The following PCDH9 variants were observed in gnomAD, a reference collection of about 807,000 sequenced individuals.
PCDH9 encodes the protein protocadherin-9.
A neutral mutation model predicts 70.6 loss-of-function variants in PCDH9; 24 were observed. That is an observed-to-expected ratio of 0.34 (90% CI 0.25 to 0.48). The LOEUF (loss-of-function observed/expected upper bound fraction) is 0.48, where lower values mean the gene tolerates loss of function less well. Ranked by LOEUF, PCDH9 falls within the 20% of genes least tolerant of loss-of-function variation. The pLI, the probability that PCDH9 is intolerant of heterozygous loss-of-function variation, is 0.99. For synonymous variants in PCDH9, 562 were observed against 558.5 expected, an observed-to-expected ratio of 1.01 and a Z score of -0.09; for missense variants, 1,281 against 1,503.6, an observed-to-expected ratio of 0.85 and a Z score of 2.45.
intron 4 of PCDH9, among the ~76,000 whole-genome samples, chr13:66,483,726 G>T (rs1279075269): frequency 6.6e-6 from 1 of 152,042 alleles, no homozygotes; most frequent in Non-Finnish European, 1.5e-5. Flanking sequence ...GGTAGAGGAG[G>T]GCATGATCCC....
At chr13:67,141,884 C>T (rs1183910363) in intron 2 of PCDH9, among the ~76,000 whole-genome samples, 1 of 152,070 alleles carries the variant, frequency 6.6e-6, no homozygotes, top group African/African-American at 2.4e-5. Context: ...CATGATATGG[C>T]ATCCATTCTG....
At chr13:66,516,847 C>A (rs1433764274) in intron 4 of PCDH9, among the ~76,000 whole-genome samples, 5 of 152,074 alleles carry the variant, frequency 3.3e-5, no homozygotes, top group African/African-American at 1.2e-4. Context: ...GAACCTATCT[C>A]AATTAAGAAT....
At chr13:66,843,357 C>CAT (rs1370431934) in intron 3 of PCDH9, among the ~76,000 whole-genome samples, 1 of 1,462 alleles carries the variant, frequency 6.8e-4, no homozygotes, top group African/African-American at 7.2e-4. Flanking sequence ...CACATACATA[C>CAT]ACACACACAC....
chr13:66,335,070 T>C (rs951937209), intron 4 of PCDH9, among the ~76,000 whole-genome samples: 1 of 152,094 alleles, frequency 6.6e-6, no homozygotes, highest in Non-Finnish European at 1.5e-5. Flanking sequence ...CTAAATAGCC[T>C]TCAAACCCTT....
intron 3 of PCDH9, among the ~76,000 whole-genome samples, chr13:66,703,844 T>C (rs910361944): frequency 4.6e-5 from 7 of 152,186 alleles, no homozygotes; most frequent in African/African-American, 1.7e-4. Flanking sequence ...GAAGCTGCAG[T>C]GAGCCATGAC....
intron 3 of PCDH9, among the ~76,000 whole-genome samples, chr13:66,769,079 T>C (rs1271803800): frequency 6.6e-6 from 1 of 152,102 alleles, no homozygotes; most frequent in Non-Finnish European, 1.5e-5. Flanking sequence ...GACTGATTTA[T>C]ATCTCTACTC....
intron 4 of PCDH9, among the ~76,000 whole-genome samples, chr13:66,372,554 G>A (rs1195046571): frequency 1.3e-5 from 2 of 151,260 alleles, no homozygotes; most frequent in Non-Finnish European, 3.0e-5. Context: ...AGTCTTGATC[G>A]CATAGTAGCC....
intron 4 of PCDH9, among the ~76,000 whole-genome samples, chr13:66,380,536 CTTTTT>C (rs59830525): frequency 4.7e-4 from 25 of 53,394 alleles, no homozygotes; most frequent in African/African-American, 1.3e-3. Flanking sequence ...AGATCTTGTC[CTTTTT>C]TTTTTTTTTT....
At chr13:66,854,759 A>G (rs539819992) in intron 3 of PCDH9, among the ~76,000 whole-genome samples, 4 of 152,272 alleles carry the variant, frequency 2.6e-5, no homozygotes, top group East Asian at 3.9e-4. Flanking sequence ...AATGTGTTAG[A>G]TAAGCTTTAT....
intron 4 of PCDH9, among the ~76,000 whole-genome samples, chr13:66,452,766 A>C (rs1958239379): frequency 6.6e-6 from 1 of 152,128 alleles, no homozygotes; most frequent in African/African-American, 2.4e-5. Flanking sequence ...GGCCCCTGAG[A>C]AGCTCTATAC....
intron 2 of PCDH9, chr13:67,217,062 T>G (rs2089624622): frequency 6.6e-6 from 1 of 152,052 alleles, no homozygotes; most frequent in South Asian, 2.1e-4. Flanking sequence ...TATTTGAAAG[T>G]CCTCAGCATG....
At chr13:67,045,515 C>T (rs1477835178) in intron 2 of PCDH9, among the ~76,000 whole-genome samples, 2 of 151,626 alleles carry the variant, frequency 1.3e-5, no homozygotes, top group Non-Finnish European at 2.9e-5. Context: ...TGGTTTCTAG[C>T]TTGATAATGC....
intron 2 of PCDH9, among the ~76,000 whole-genome samples, chr13:67,022,164 C>G (rs1480987610): frequency 2.9e-4 from 32 of 109,136 alleles, no homozygotes; most frequent in African/African-American, 1.2e-3. Context: ...GAGTTTTGCT[C>G]TTGTTGCCCA....
intron 4 of PCDH9, among the ~76,000 whole-genome samples, chr13:66,336,905 T>C (rs1353701812): frequency 2.6e-5 from 4 of 152,100 alleles, no homozygotes; most frequent in Non-Finnish European, 5.9e-5. Context: ...ATATGCAAGC[T>C]ACCTAGACAT....
chr13:66,703,582 C>T (rs1025829678), intron 3 of PCDH9, among the ~76,000 whole-genome samples: 1 of 152,072 alleles, frequency 6.6e-6, no homozygotes, highest in Non-Finnish European at 1.5e-5. Flanking sequence ...ATTTAATGGA[C>T]AGATAGATTA....
chr13:66,620,964 T>C (rs544305040), intron 4 of PCDH9, among the ~76,000 whole-genome samples: 2 of 152,262 alleles, frequency 1.3e-5, no homozygotes, highest in East Asian at 3.9e-4. Flanking sequence ...GTTTGCAGAA[T>C]GAATAGATAA....
intron 2 of PCDH9, among the ~76,000 whole-genome samples, chr13:67,117,583 G>T (rs2086802438): frequency 6.6e-6 from 1 of 152,092 alleles, no homozygotes; most frequent in African/African-American, 2.4e-5. Context: ...TAAATTTGTA[G>T]CCTGAATAAG....
intron 4 of PCDH9, among the ~76,000 whole-genome samples, chr13:66,612,511 TA>T (rs1440828140): frequency 6.6e-6 from 1 of 152,202 alleles, no homozygotes; most frequent in African/African-American, 2.4e-5. Flanking sequence ...TAAAATACAG[TA>T]AGACCAGTTA....
At chr13:67,219,439 C>T (rs1418753000) in intron 2 of PCDH9, 1 of 151,972 alleles carries the variant, frequency 6.6e-6, no homozygotes, top group Admixed American at 6.6e-5. Flanking sequence ...CAGAGTACAT[C>T]TCCTTATGTA....
Sources: allele counts gnomAD v4.1 joint callset (sites outside exome capture counted in the v4.1 genomes callset), GRCh38; gene constraint gnomAD v4.1.1; transcripts MANE v1.5; gene names NCBI Gene and HGNC (gene_info 2026-07-23, HGNC 2026-07-21).